TEX29: variants seen among roughly 807,000 people sequenced by gnomAD.
TEX29 encodes testis-expressed protein 29.
TEX29 carries 26 observed loss-of-function variants against 18.2 expected under a neutral mutation model. That is an observed-to-expected ratio of 1.43 (90% CI 1.04 to 1.98). The LOEUF (loss-of-function observed/expected upper bound fraction) is 1.98. Among genes scored for constraint, TEX29 ranks in the 30% most tolerant of loss-of-function variants. The pLI is 0.00. For missense variants in TEX29, 177 were observed against 194.2 expected (o/e 0.91, Z 0.53); for synonymous variants, 83 against 78.5 (o/e 1.06, Z -0.31).
At chr13:111,336,092 A>G (rs1220841404) in intron 3 of TEX29, among the ~76,000 whole-genome samples, 5 of 152,238 alleles carry the variant, frequency 3.3e-5, no homozygotes, top group African/African-American at 1.2e-4. Flanking sequence ...CTCTCAAGAA[A>G]GTTTTTGACT....
chr13:111,342,243 T>G (rs1473783168), intron 4 of TEX29, among the ~76,000 whole-genome samples: 5 of 152,210 alleles, frequency 3.3e-5, no homozygotes, highest in African/African-American at 1.2e-4. Flanking sequence ...AAAGCCATTT[T>G]CCTACCATGA....
chr13:111,318,051 T>A (rs1004429663), upstream of TEX29, among the ~76,000 whole-genome samples: 3 of 152,140 alleles, frequency 2.0e-5, no homozygotes, highest in Non-Finnish European at 4.4e-5. Context: ...AACATCTCTT[T>A]TTTGAGGAAA....
chr13:111,344,114 T>C lies in TEX29; in HGVS notation c.447T>C (p.Thr149=). The change falls in exon 6 of 6, where the codon ACT becomes ACC. Residue 149 remains threonine, a synonymous_variant. Transcript: ENST00000283547. ...GGACAATAACAGAAGCCGAAGAAAC[T>C]GAGGACTGACTGAGACGCATGAAGA... is the stretch of plus-strand genomic sequence containing the variant. The part of the protein sequence containing the change: ...VTGTITEAEE[T]ED 9 of 1,613,368 alleles carry C rather than the reference T, an allele frequency of 5.6e-6. No individual in the cohort carries two copies. The highest frequency in any genetic ancestry group is 7.6e-6 in the Non-Finnish European group (9 of 1,179,492).
At chr13:111,338,681 G>C (rs946116589) in intron 3 of TEX29, among the ~76,000 whole-genome samples, 5 of 152,168 alleles carry the variant, frequency 3.3e-5, no homozygotes, top group African/African-American at 1.2e-4. Flanking sequence ...TTCTTTGAGA[G>C]AGTAAGAAAG....
chr13:111,344,007 A>G (rs1212582920), intron 5 of TEX29, 76 bp from the exon 6 acceptor site: 7 of 1,307,534 alleles, frequency 5.4e-6, no homozygotes, highest in South Asian at 2.4e-5. Context: ...GATGGGTTCA[A>G]AGATCCTGAT....
intron 4 of TEX29, among the ~76,000 whole-genome samples, chr13:111,342,152 G>A (rs920530555): frequency 5.9e-5 from 9 of 152,304 alleles, no homozygotes; most frequent in African/African-American, 1.9e-4. Flanking sequence ...CTCACTCCCC[G>A]GCCACCACCT....
intron 3 of TEX29, among the ~76,000 whole-genome samples, chr13:111,337,876 T>C (rs1045416628): frequency 1.1e-4 from 16 of 152,150 alleles, no homozygotes; most frequent in Non-Finnish European, 2.1e-4. Flanking sequence ...GAGGAACTCT[T>C]ATCGAGCGCC....
rs1453231732 is a variant in TEX29, at chr13:111,338,634, C to T, written c.170-1229C>T. On this transcript the variant is annotated intron_variant, in intron 3 of 5. Coordinates refer to ENST00000283547, the MANE Select transcript of TEX29 (RefSeq NM_152324.3). ...GGGAGGTATGGGAATTGAAGCAAAT[C>T]GTGTCACCTGCACTTGATATTTGCA... Among the ~76,000 whole-genome samples, 6 of 152,254 alleles carry T rather than the reference C, an allele frequency of 3.9e-5. No individual in the cohort carries two copies. The East Asian group carries it at 7.7e-4, about 20-fold the overall frequency.
At chr13:111,331,088 T>C (rs978660059) in intron 3 of TEX29, among the ~76,000 whole-genome samples, 2 of 152,244 alleles carry the variant, frequency 1.3e-5, no homozygotes, top group Non-Finnish European at 2.9e-5. Context: ...CTGGATCATA[T>C]GTTAACTCTA....
At chr13:111,327,743 T>G (rs2093676400) in intron 2 of TEX29, among the ~76,000 whole-genome samples, 1 of 152,210 alleles carries the variant, frequency 6.6e-6, no homozygotes, top group Admixed American at 6.5e-5. Flanking sequence ...GCATTAAACT[T>G]TCTGTCCTTT....
intron 2 of TEX29, among the ~76,000 whole-genome samples, chr13:111,324,033 T>C (rs969431571): frequency 9.2e-5 from 14 of 152,302 alleles, no homozygotes; most frequent in African/African-American, 3.4e-4. Flanking sequence ...TGAAGACACA[T>C]TCAGCCGGAT....
Position 111,339,892 on chromosome 13 carries a change from G to C in TEX29, c.199G>C (p.Val67Leu). ...IYIHVFSALIVIIAGAFVITI... is the reference protein window; with the variant it reads ...IYIHVFSALILIIAGAFVITI... ...CATCCACGTGTTCTCTGCCTTGATT[G>C]TGATCATCGCTGGGGCCTTCGTCAT... Residue 67 changes from valine to leucine, a missense_variant, in exon 4 of 6, where the codon GTG becomes CTG. By Grantham distance (32) the Val-to-Leu change is conservative. Transcript: ENST00000283547. The C allele has an allele frequency of 6.2e-7, 1 of 1,613,094 alleles. No homozygotes were observed.
chr13:111,328,479 G>A (rs1411687734), intron 3 of TEX29, among the ~76,000 whole-genome samples, 186 bp downstream of exon 3: 2 of 152,158 alleles, frequency 1.3e-5, no homozygotes, highest in Admixed American at 6.5e-5. Flanking sequence ...GTTTGGGCTG[G>A]AGGGCCTGTG....
At chr13:111,317,309 C>T (rs2093656165), upstream of TEX29, among the ~76,000 whole-genome samples, 1 of 152,036 alleles carries the variant, frequency 6.6e-6, no homozygotes. Flanking sequence ...TGGTGGCCTG[C>T]TGTCACCCCA....
intron 2 of TEX29, among the ~76,000 whole-genome samples, chr13:111,322,227 A>G (rs1014820276): frequency 6.6e-6 from 1 of 152,236 alleles, no homozygotes; most frequent in African/African-American, 2.4e-5. Context: ...GGTGTCCACA[A>G]GAGGGGTCTT....
At chr13:111,334,766 C>A (rs2093687276) in intron 3 of TEX29, among the ~76,000 whole-genome samples, 1 of 152,238 alleles carries the variant, frequency 6.6e-6, no homozygotes, top group Non-Finnish European at 1.5e-5. Context: ...GCTGTTCTCA[C>A]CGAATGAGCT....
intron 2 of TEX29, among the ~76,000 whole-genome samples, chr13:111,326,682 C>T (rs375451656): frequency 9.0e-5 from 3 of 33,220 alleles, no homozygotes; most frequent in Non-Finnish European, 1.3e-4. Context: ...CTGCGGGCAA[C>T]GTGAGCCTGG....
intron 2 of TEX29, among the ~76,000 whole-genome samples, chr13:111,327,517 C>T (rs2153641503): frequency 6.6e-6 from 1 of 152,248 alleles, no homozygotes; most frequent in Middle Eastern, 3.4e-3. Context: ...CCTGGGCCCT[C>T]ACCTGCAGGA....
intron 3 of TEX29, chr13:111,339,549 G>A (rs1006770971): frequency 1.3e-4 from 61 of 482,138 alleles, no homozygotes; most frequent in Admixed American, 3.3e-4. Context: ...ATGCACTCCC[G>A]GGGGTCAGGA....
Sources: allele counts gnomAD v4.1 joint callset (sites outside exome capture counted in the v4.1 genomes callset), GRCh38; gene constraint gnomAD v4.1.1; transcripts MANE v1.5; gene names NCBI Gene and HGNC (gene_info 2026-07-23, HGNC 2026-07-21).